The following DLGAP2 variants were observed in gnomAD, a reference collection of about 807,000 sequenced individuals.
DLGAP2 encodes the protein DLG associated protein 2, also known as disks large-associated protein 2.
In DLGAP2, 26 loss-of-function variants were observed where a neutral mutation model predicts 100.3. The observed-to-expected ratio is 0.26, with a 90% CI of 0.19 to 0.36. DLGAP2 has a LOEUF of 0.36. Among genes scored for constraint, DLGAP2 ranks in the 10% least tolerant of loss-of-function variants. The pLI, the probability that DLGAP2 is intolerant of heterozygous loss-of-function variation, is 1.00. For synonymous variants in DLGAP2, 886 were observed against 630.1 expected, an observed-to-expected ratio of 1.41 and a Z score of -6.08; for missense variants, 1,858 against 1,453.2, an observed-to-expected ratio of 1.28 and a Z score of -4.53.
At chr8:1,682,528 G>A (rs1349566217) in intron 12 of DLGAP2, among the ~76,000 whole-genome samples, 2 of 151,418 alleles carry the variant, frequency 1.3e-5, no homozygotes, top group African/African-American at 4.9e-5. Flanking sequence ...AGGCTGGAGT[G>A]CAATGGCACG....
chr8:1,554,812 C>T (rs1801903046), intron 5 of DLGAP2, among the ~76,000 whole-genome samples: 1 of 152,016 alleles, frequency 6.6e-6, no homozygotes, highest in Non-Finnish European at 1.5e-5. Context: ...GTATCCCCAC[C>T]AGTTCAGGAA....
chr8:1,616,802 A>T (rs1797168690), intron 6 of DLGAP2, among the ~76,000 whole-genome samples: 1 of 154 alleles, frequency 6.5e-3, no homozygotes, highest in African/African-American at 0.028. Flanking sequence ...AACTCACGTC[A>T]TGTGGGGTTT....
chr8:1,117,122 A>C (rs574788423), intron 2 of DLGAP2, among the ~76,000 whole-genome samples: 15 of 152,264 alleles, frequency 9.9e-5, no homozygotes, highest in African/African-American at 2.9e-4. Context: ...CATCAAGAAG[A>C]GGTTTTGGAA....
Position 1,227,155 on chromosome 8 carries a change from T to TAG in DLGAP2, c.74-31695_74-31694insGA, listed in dbSNP as rs745892416. Among the ~76,000 whole-genome samples, 94 of 126,750 alleles carry TAG rather than the reference T, an allele frequency of 7.4e-4. 5 individuals carry two copies. Among genetic ancestry groups the TAG allele is most frequent in the African/African-American group, 2.9e-3 (86 of 29,990 alleles). The allele number at this position is 126,750 out of a possible 152,430, so 83.2% of individuals were successfully genotyped here. ...ATGAATGGGTAAGGAAACTGTGAGA[T>TAG]ATATATATATATATATATAGTATAG... On this transcript the variant is annotated intron_variant, in intron 2 of 14. Transcript: ENST00000637795.
At chr8:1,323,379 C>T (rs60411515) in intron 3 of DLGAP2, among the ~76,000 whole-genome samples, 1 of 152,048 alleles carries the variant, frequency 6.6e-6, no homozygotes, top group African/African-American at 2.4e-5. Context: ...TGCACATCCT[C>T]CGGGAGGAAA....
chr8:937,114 T>G (rs1290213915), intron 2 of DLGAP2, among the ~76,000 whole-genome samples: 1 of 152,184 alleles, frequency 6.6e-6, no homozygotes, highest in Non-Finnish European at 1.5e-5. Context: ...GCACTCTTCT[T>G]AAGACTTTCT....
At chr8:1,454,496 A>T (rs1367139536) in intron 3 of DLGAP2, among the ~76,000 whole-genome samples, 2 of 152,082 alleles carry the variant, frequency 1.3e-5, no homozygotes, top group African/African-American at 4.8e-5. Context: ...TCGAACCAGA[A>T]ACCCACCCCT....
intron 3 of DLGAP2, among the ~76,000 whole-genome samples, chr8:1,271,778 T>C (rs1373932146): frequency 6.6e-6 from 1 of 152,150 alleles, no homozygotes; most frequent in East Asian, 1.9e-4. Flanking sequence ...ATTCTGGAGA[T>C]CCAATTAGAA....
intron 4 of DLGAP2, among the ~76,000 whole-genome samples, chr8:1,519,457 A>G (rs1371511964): frequency 6.6e-6 from 1 of 152,212 alleles, no homozygotes; most frequent in African/African-American, 2.4e-5. Context: ...TCCATCAGAA[A>G]ATAGAATATG....
rs866793901 is a variant in DLGAP2 at position 1,317,147 on chromosome 8, G to C, written c.106+58264G>C. On this transcript the variant is annotated intron_variant, in intron 3 of 14. Transcript: ENST00000637795. ...CGTCTCTCCAACAGTGGTCTACACT[G>C]GAGAAACTCGGCAGCTTTAAAAATA... 1.1e-3 allele frequency among the ~76,000 whole-genome samples: 114 copies of C among 106,848 alleles called. 2 individuals are homozygous for C. Among genetic ancestry groups the C allele is most frequent in the East Asian group, 3.7e-3 (13 of 3,482 alleles). 70.1% of individuals were successfully genotyped at this position (106,848 alleles called of 152,430 possible).
chr8:758,348 C>T (rs1344768073), intron 1 of DLGAP2, among the ~76,000 whole-genome samples: 4 of 152,056 alleles, frequency 2.6e-5, no homozygotes, highest in African/African-American at 7.2e-5. Context: ...ACCTCGTTTC[C>T]CTGTTATTGC....
At chr8:786,714 G>A (rs1275488382) in intron 1 of DLGAP2, among the ~76,000 whole-genome samples, 1 of 152,122 alleles carries the variant, frequency 6.6e-6, no homozygotes. Flanking sequence ...AGAAGGGAGA[G>A]TTTCCCTGTT....
At chr8:1,048,233 C>T (rs767006735) in intron 2 of DLGAP2, among the ~76,000 whole-genome samples, 2 of 152,104 alleles carry the variant, frequency 1.3e-5, no homozygotes, top group Admixed American at 6.5e-5. Context: ...GTGCCCGGCG[C>T]GTGTTCTCAT....
intron 3 of DLGAP2, among the ~76,000 whole-genome samples, chr8:1,353,050 G>T (rs7823359): frequency 0.087 from 13,189 of 152,234 alleles, 828 homozygotes; most frequent in East Asian, 0.27. Context: ...GTCCTGAACT[G>T]GCATGAGCTG....
chr8:1,613,159 T>A (rs1272721314), intron 6 of DLGAP2, among the ~76,000 whole-genome samples: 1 of 145,106 alleles, frequency 6.9e-6, no homozygotes, highest in Non-Finnish European at 1.5e-5. Flanking sequence ...CCAACAATGA[T>A]AGACTGGATT....
At chr8:1,009,070 G>C (rs984423038) in intron 2 of DLGAP2, among the ~76,000 whole-genome samples, 1 of 152,174 alleles carries the variant, frequency 6.6e-6, no homozygotes, top group African/African-American at 2.4e-5. Context: ...CTGATGGGGG[G>C]CAGGCAGGAG....
chr8:1,698,868 A>G (rs550329698), intron 14 of DLGAP2, among the ~76,000 whole-genome samples: 87 of 150,570 alleles, frequency 5.8e-4, no homozygotes, highest in African/African-American at 2.0e-3. Context: ...GGGACTAGGC[A>G]GGTCTGCGTA....
chr8:1,160,615 G>A (rs1416324706), intron 2 of DLGAP2, among the ~76,000 whole-genome samples: 2 of 152,298 alleles, frequency 1.3e-5, no homozygotes, highest in East Asian at 1.9e-4. Flanking sequence ...ACAGGCCTTG[G>A]AGGAGATGGC....
At chr8:1,235,551 C>G (rs543040430) in intron 2 of DLGAP2, among the ~76,000 whole-genome samples, 1 of 21,008 alleles carries the variant, frequency 4.8e-5, no homozygotes, top group Non-Finnish European at 1.4e-4. Flanking sequence ...TCTCACATGG[C>G]GCCATGTCTA....
Sources: allele counts gnomAD v4.1 joint callset (sites outside exome capture counted in the v4.1 genomes callset), GRCh38; gene constraint gnomAD v4.1.1; transcripts MANE v1.5; gene names NCBI Gene and HGNC (gene_info 2026-07-23, HGNC 2026-07-21).